Variants in LENG1 observed in about 807,000 individuals in gnomAD.
LENG1 encodes leukocyte receptor cluster (LRC) member 1.
LENG1 carries 35 observed loss-of-function variants against 28.8 expected under a neutral mutation model. The ratio of observed to expected loss-of-function variants is 1.22; its 90% confidence interval spans 0.93 to 1.61. The LOEUF (loss-of-function observed/expected upper bound fraction) is 1.61. Among genes scored for constraint, LENG1 ranks in the 40% most tolerant of loss-of-function variants. The pLI is 0.00. For missense variants in LENG1, 404 were observed against 348.9 expected, an observed-to-expected ratio of 1.16 and a Z score of -1.26; for synonymous variants, 170 against 140.6, an observed-to-expected ratio of 1.21 and a Z score of -1.48.
At chr19:54,158,728 T>A (rs543853804) in intron 1 of LENG1, among the ~76,000 whole-genome samples, 25 of 151,984 alleles carry the variant, frequency 1.6e-4, no homozygotes, top group African/African-American at 5.5e-4. Context: ...ACCAAAGGGG[T>A]TCCTAACCTC....
intron 3 of LENG1, 37 bp downstream of exon 3, chr19:54,156,726 G>A: frequency 1.3e-6 from 2 of 1,575,526 alleles, no homozygotes; most frequent in Admixed American, 1.8e-5. Context: ...AGCCCTGAAG[G>A]TCTGGGCCCT....
At chr19:54,159,235 G>A (rs1225991701) in intron 1 of LENG1, among the ~76,000 whole-genome samples, 2 of 152,260 alleles carry the variant, frequency 1.3e-5, no homozygotes, top group East Asian at 3.8e-4. Context: ...GGCTGTGCAG[G>A]CAAACTAAAA....
chr19:54,156,939 T>TA lies in LENG1; in HGVS notation c.398dup (p.Pro134ThrfsTer15), dbSNP rs1461822808. 2.0e-5 allele frequency: 33 copies of TA among 1,611,886 alleles called. No homozygotes were observed. The highest frequency in any genetic ancestry group is 2.6e-5 in the Non-Finnish European group (31 of 1,178,728). On this transcript the variant is annotated frameshift_variant, in exon 3 of 4. Transcript: ENST00000222224. LOFTEE classifies it high-confidence loss of function. ...GCGGGGGGCCCCCTCGCCCTGGGGG[T>TA]AGCTGGTACCAAGGGGGTTGAGTCT...
intron 2 of LENG1, among the ~76,000 whole-genome samples, chr19:54,157,614 C>G (rs1239801785): frequency 1.3e-5 from 2 of 152,144 alleles, no homozygotes; most frequent in African/African-American, 4.8e-5. Flanking sequence ...AGGTGATCCA[C>G]CCACGTTGGC....
At chr19:54,157,130 T>G in intron 2 of LENG1, 105 bp from the exon 3 acceptor site, 1 of 898,778 alleles carries the variant, frequency 1.1e-6, no homozygotes, top group Non-Finnish European at 1.6e-6. Context: ...AGGCTTGTTA[T>G]GAACCAGTTG....
intron 1 of LENG1, 142 bp from the exon 2 acceptor site, chr19:54,158,603 G>A: frequency 1.4e-6 from 1 of 709,728 alleles, no homozygotes; most frequent in Non-Finnish European, 2.3e-6. Context: ...AGAGGCACCT[G>A]TCCTAGCTGG....
intron 2 of LENG1, among the ~76,000 whole-genome samples, chr19:54,157,237 G>A (rs1002216254): frequency 1.1e-4 from 16 of 152,290 alleles, no homozygotes; most frequent in African/African-American, 3.6e-4. Flanking sequence ...GGGACAAGTG[G>A]AGCCACTTGA....
At position 54,155,386 on chromosome 19, in the gene LENG1, G is replaced by A; in HGVS notation, c.*335C>T. 6.2e-7 allele frequency: 1 copy of A among 1,609,588 alleles called. No homozygotes were observed. Among genetic ancestry groups the A allele is most frequent in the Middle Eastern group, 1.7e-4 (1 of 6,052 alleles). ...GCTTCACCTTTGAGTACCGCTACCT[G>A]GAGGACCGGGACCTCCAGTGACACC... is the stretch of plus-strand genomic sequence containing the variant. On this transcript the variant is annotated 3_prime_UTR_variant, in exon 4 of 4. Transcript: ENST00000222224.
chr19:54,155,626 T>G lies in LENG1; in HGVS notation c.*95A>C. On this transcript the variant is annotated 3_prime_UTR_variant, in exon 4 of 4. Coordinates refer to ENST00000222224, the MANE Select transcript of LENG1 (RefSeq NM_024316.3). ...CTCCCCTCCCCAGTGAGGGACATTTTTTGGTAAACCTATTTTCATTTTGGA... is the reference window on the plus strand; with the variant it reads ...CTCCCCTCCCCAGTGAGGGACATTTGTTGGTAAACCTATTTTCATTTTGGA... 7.7e-7 allele frequency: 1 copy of G among 1,299,924 alleles called. No homozygotes were observed. The highest frequency in any genetic ancestry group is 1.1e-6 in the Non-Finnish European group (1 of 947,560). The allele number at this position is 1,299,924 out of a possible 1,614,324, so 80.5% of individuals were successfully genotyped here.
At chr19:54,159,364 GA>G (rs1452644229) in intron 1 of LENG1, among the ~76,000 whole-genome samples, 199 bp downstream of exon 1, 2 of 152,256 alleles carry the variant, frequency 1.3e-5, no homozygotes, top group African/African-American at 4.8e-5. Context: ...GAAAAACTAA[GA>G]CGAGGGCGAG....
At position 54,155,716 on chromosome 19, in the gene LENG1, A is replaced by G. The variant is rs1230386454; in HGVS notation, c.*5T>C. On this transcript the variant is annotated 3_prime_UTR_variant, in exon 4 of 4. Transcript: ENST00000222224. ...GCAGCGGCCTCTCCTGTACCCCCTC[A>G]GGAGTCAGTGAGTAAGGTGAGGGTC... 1.2e-6 allele frequency: 2 copies of G among 1,607,196 alleles called. No individual in the cohort carries two copies. Among genetic ancestry groups the G allele is most frequent in the South Asian group, 1.1e-5 (1 of 90,330 alleles).
rs2075362232 is a variant in LENG1 at position 54,155,607 on chromosome 19, TCCCCA to T, written c.*109_*113del. On this transcript the variant is annotated 3_prime_UTR_variant, in exon 4 of 4. Transcript: ENST00000222224. ...GGGCGAGGGCTGCCCCCTCCTCCCCTCCCCAGTGAGGGACATTTTTTGGTAAACCT... is the reference window on the plus strand; with the variant it reads ...GGGCGAGGGCTGCCCCCTCCTCCCCTGTGAGGGACATTTTTTGGTAAACCT... 2.5e-6 allele frequency: 3 copies of T among 1,187,472 alleles called. No individual in the cohort carries two copies. In the Admixed American group the frequency reaches 7.3e-5, roughly 29 times the overall value. The allele number at this position is 1,187,472 out of a possible 1,614,324, so 73.6% of individuals were successfully genotyped here. A position where few individuals can be genotyped will look rare whatever the true frequency, so the allele number is the denominator to read the frequency against.
chr19:54,159,412 G>C, intron 1 of LENG1, 152 bp downstream of exon 1: 1 of 804,960 alleles, frequency 1.2e-6, no homozygotes, highest in South Asian at 1.9e-5. Flanking sequence ...CACAAGGTTT[G>C]CGGGGCAACG....
intron 1 of LENG1, among the ~76,000 whole-genome samples, chr19:54,159,171 C>T (rs2075452009): frequency 1.3e-5 from 2 of 152,218 alleles, no homozygotes; most frequent in African/African-American, 2.4e-5. Context: ...ATTGGGGATT[C>T]CGCAAGTCAG....
chr19:54,156,969 C>T lies in LENG1; in HGVS notation c.369G>A (p.Glu123=). Residue 123 remains glutamate, a synonymous_variant, in exon 3 of 4, where the codon GAG becomes GAA. Transcript: ENST00000222224. ...ILTYLGQSAA[E]AQTQPPWYQL... is the part of the protein sequence containing the mutation. ...GGTACCAAGGGGGTTGAGTCTGTGC[C>T]TCCGCTGCACTCTGGCCCAGGTATG... The T allele has an allele frequency of 1.2e-6, 2 of 1,601,172 alleles. No individual in the cohort carries two copies. Among genetic ancestry groups the T allele is most frequent in the African/African-American group, 1.3e-5 (1 of 74,490 alleles).
At chr19:54,158,074 A>T (rs1197824683) in intron 2 of LENG1, among the ~76,000 whole-genome samples, 1 of 152,222 alleles carries the variant, frequency 6.6e-6, no homozygotes, top group Non-Finnish European at 1.5e-5. Flanking sequence ...CGGTTTGCCC[A>T]GCAGCTGGGG....
In LENG1 at chr19:54,155,863, A is replaced by G; in HGVS notation, c.653T>C (p.Leu218Pro). ...TAGTGCCCGGCCTTGGACCCGGGCC[A>G]GCAGGGCCTCTGCCCGAGACCTCTC... is the stretch of plus-strand genomic sequence containing the variant. The part of the protein sequence containing the change: ...AAERSRAEAL[L>P]ARVQGRALQE... The change falls in exon 4 of 4, where the codon CTG becomes CCG. Residue 218 changes from leucine (L) to proline (P), a missense_variant. Transcript: ENST00000222224. The G allele has an allele frequency of 6.2e-7, 1 of 1,612,986 alleles. No homozygotes were observed. Among genetic ancestry groups the G allele is most frequent in the South Asian group, 1.1e-5 (1 of 90,876 alleles).
rs762649796 is a variant in LENG1 at position 54,158,390 on chromosome 19, C to T, written c.204G>A (p.Ala68=). The change falls in exon 2 of 4, where the codon GCG becomes GCA. Residue 68 remains alanine (A), a synonymous_variant. Transcript: ENST00000222224. The stretch of plus-strand genomic sequence containing the variant: ...CCACAGGGCCAGAACCTGGGGCTCC[C>T]GCCTCTGCTGCTTCAAGCTCAGGCA... ...NSLPELEAAE[A]GAPGSGPVDL... 1.3e-5 allele frequency: 21 copies of T among 1,614,072 alleles called. No individual in the cohort carries two copies. The East Asian group carries it at 4.5e-4, about 34-fold the overall frequency.
In LENG1 at chr19:54,155,742, C is replaced by T; in HGVS notation, c.774G>A (p.Gln258=). 6.2e-7 allele frequency: 1 copy of T among 1,611,364 alleles called. No individual in the cohort carries two copies. The highest frequency in any genetic ancestry group is 8.5e-7 in the Non-Finnish European group (1 of 1,179,638). ...NPQLARRPRQ[Q]DPHLTH ...GGAGTCAGTGAGTAAGGTGAGGGTC[C>T]TGCTGGCGGGGGCGCCGGGCCAGCT... is the stretch of plus-strand genomic sequence containing the variant. The change falls in exon 4 of 4, where the codon CAG becomes CAA. Residue 258 remains glutamine (Q), a synonymous_variant. Coordinates refer to ENST00000222224, the MANE Select transcript of LENG1 (RefSeq NM_024316.3).
Sources: gnomAD v4.1 joint callset for allele counts (sites outside exome capture counted in the v4.1 genomes callset) on GRCh38, gnomAD v4.1.1 for gene constraint, MANE v1.5 for transcripts, NCBI Gene and HGNC (gene_info 2026-07-23, HGNC 2026-07-21) for gene names.